Variants in SDHAF3 observed in about 807,000 individuals in gnomAD.
SDHAF3 encodes succinate dehydrogenase assembly factor 3, mitochondrial.
A neutral mutation model predicts 11.5 loss-of-function variants in SDHAF3; 18 were observed. That is an observed-to-expected ratio of 1.56 (90% CI 1.08 to 2.32). The LOEUF is 2.32. Among genes scored for constraint, SDHAF3 ranks in the 30% most tolerant of loss-of-function variants. The pLI is 0.00. For missense variants in SDHAF3, 200 were observed against 154.4 expected (o/e 1.30, Z -1.57); for synonymous variants, 72 against 59.3 (o/e 1.21, Z -0.99).
At chr7:97,146,560 C>G (rs1789138040) in intron 1 of SDHAF3, among the ~76,000 whole-genome samples, 1 of 152,060 alleles carries the variant, frequency 6.6e-6, no homozygotes, top group African/African-American at 2.4e-5. Flanking sequence ...TACAGTGTCA[C>G]TTTTTTTCTC....
At chr7:97,168,081 C>T (rs866866911) in intron 1 of SDHAF3, among the ~76,000 whole-genome samples, 8 of 152,218 alleles carry the variant, frequency 5.3e-5, no homozygotes, top group Middle Eastern at 6.8e-3. Flanking sequence ...GTGTGGGAGC[C>T]CTGGTATTCA....
chr7:97,181,510 C>A lies in SDHAF3; in HGVS notation c.*295C>A. On this transcript the variant is annotated 3_prime_UTR_variant, in exon 2 of 2. Coordinates refer to ENST00000432641, the MANE Select transcript of SDHAF3 (RefSeq NM_020186.3). ...TCATCCAGCCATATTAGTCTTCTGG[C>A]TTTTCTTTAGCTTCATCAAATAAGC... 4.6e-6 allele frequency: 1 copy of A among 217,452 alleles called. No homozygotes were observed. Among genetic ancestry groups the A allele is most frequent in the East Asian group, 1.1e-4 (1 of 9,370 alleles). The allele number at this position is 217,452 out of a possible 1,614,324, so 13.5% of individuals were successfully genotyped here.
intron 1 of SDHAF3, among the ~76,000 whole-genome samples, chr7:97,172,489 T>C (rs575186234): frequency 6.6e-6 from 1 of 152,330 alleles, no homozygotes; most frequent in South Asian, 2.1e-4. Context: ...AATCCAATTC[T>C]CTTCCAACAC....
intron 1 of SDHAF3, among the ~76,000 whole-genome samples, chr7:97,174,381 T>G (rs1020105372): frequency 3.9e-5 from 6 of 152,232 alleles, no homozygotes; most frequent in African/African-American, 1.4e-4. Context: ...ATAGCCTACA[T>G]AACTACAGTA....
At chr7:97,156,862 C>T (rs1030938056) in intron 1 of SDHAF3, among the ~76,000 whole-genome samples, 9 of 152,100 alleles carry the variant, frequency 5.9e-5, no homozygotes, top group African/African-American at 2.2e-4. Context: ...GGGGTACATG[C>T]GCACAACGTG....
At chr7:97,168,176 G>T (rs898899624) in intron 1 of SDHAF3, among the ~76,000 whole-genome samples, 1 of 152,148 alleles carries the variant, frequency 6.6e-6, no homozygotes, top group African/African-American at 2.4e-5. Flanking sequence ...GTGTTCACGT[G>T]CCTAATTTTT....
chr7:97,146,871 C>G lies in SDHAF3; in HGVS notation c.174+28974C>G, dbSNP rs951053167. Among the ~76,000 whole-genome samples the G allele has an allele frequency of 8.6e-5, 13 of 151,390 alleles. No individual in the cohort carries two copies. The East Asian group carries it at 2.5e-3, about 30-fold the overall frequency. On this transcript the variant is annotated intron_variant, in intron 1 of 1. Transcript: ENST00000432641. The stretch of plus-strand genomic sequence containing the variant: ...GCGCAATCTGGGCTCACTGCAAACT[C>G]CACCTCCCGGGTTGATGCCATTCTC...
At chr7:97,168,856 C>T (rs1789557283) in intron 1 of SDHAF3, among the ~76,000 whole-genome samples, 1 of 151,998 alleles carries the variant, frequency 6.6e-6, no homozygotes, top group Non-Finnish European at 1.5e-5. Context: ...TTCTTATATT[C>T]TCCTTTAGTG....
intron 1 of SDHAF3, among the ~76,000 whole-genome samples, chr7:97,125,228 A>G (rs536438504): frequency 1.8e-4 from 28 of 151,992 alleles, no homozygotes; most frequent in South Asian, 6.2e-4. Context: ...TCTCTCCTTC[A>G]GTTCTGGTCT....
chr7:97,123,991 C>A (rs1379439838), intron 1 of SDHAF3, among the ~76,000 whole-genome samples: 2 of 151,974 alleles, frequency 1.3e-5, no homozygotes, highest in East Asian at 3.8e-4. Context: ...AGCAGAAGCT[C>A]TTTAATTTAA....
At chr7:97,177,484 A>G (rs1789697411) in intron 1 of SDHAF3, among the ~76,000 whole-genome samples, 1 of 152,150 alleles carries the variant, frequency 6.6e-6, no homozygotes, top group Admixed American at 6.5e-5. Context: ...CTTGGGCAAC[A>G]GAGCGAGACT....
intron 1 of SDHAF3, among the ~76,000 whole-genome samples, chr7:97,170,470 T>G (rs1789588354): frequency 6.6e-6 from 1 of 152,182 alleles, no homozygotes; most frequent in South Asian, 2.1e-4. Flanking sequence ...TTGGGATGAA[T>G]TTCATAAACA....
At chr7:97,132,830 C>G (rs973398466) in intron 1 of SDHAF3, among the ~76,000 whole-genome samples, 4 of 152,130 alleles carry the variant, frequency 2.6e-5, no homozygotes, top group Non-Finnish European at 4.4e-5. Context: ...CTATGTGCCA[C>G]CTTGATTGTG....
chr7:97,133,771 A>G (rs1791705096), intron 1 of SDHAF3, among the ~76,000 whole-genome samples: 1 of 152,160 alleles, frequency 6.6e-6, no homozygotes, highest in Admixed American at 6.5e-5. Flanking sequence ...TTTACTCCTA[A>G]ATCAGTGTAA....
chr7:97,161,654 C>T (rs928581226), intron 1 of SDHAF3, among the ~76,000 whole-genome samples: 1 of 152,080 alleles, frequency 6.6e-6, no homozygotes, highest in African/African-American at 2.4e-5. Flanking sequence ...TCTCCTTGTT[C>T]ATCTCCCACT....
intron 1 of SDHAF3, among the ~76,000 whole-genome samples, chr7:97,177,808 C>T (rs1328698725): frequency 6.6e-6 from 1 of 152,134 alleles, no homozygotes; most frequent in Non-Finnish European, 1.5e-5. Flanking sequence ...TGAGATTTAT[C>T]TGCCCCATTT....
intron 1 of SDHAF3, among the ~76,000 whole-genome samples, chr7:97,150,598 C>G (rs1584222585): frequency 7.6e-6 from 1 of 132,402 alleles, no homozygotes. Context: ...GGGTCTCGCT[C>G]TGTCCCCCAG....
intron 1 of SDHAF3, among the ~76,000 whole-genome samples, chr7:97,163,023 C>CT (rs1789437483): frequency 1.3e-5 from 2 of 152,048 alleles, no homozygotes; most frequent in African/African-American, 4.8e-5. Flanking sequence ...GTGTGGGAGT[C>CT]TAAGTCTCTT....
At chr7:97,127,768 A>C (rs1454131872) in intron 1 of SDHAF3, among the ~76,000 whole-genome samples, 1 of 151,982 alleles carries the variant, frequency 6.6e-6, no homozygotes, top group Non-Finnish European at 1.5e-5. Context: ...TCAGGGATAC[A>C]TTTCCCAAGT....
Sources: gnomAD v4.1 joint callset for allele counts (sites outside exome capture counted in the v4.1 genomes callset) on GRCh38, gnomAD v4.1.1 for gene constraint, MANE v1.5 for transcripts, NCBI Gene and HGNC (gene_info 2026-07-23, HGNC 2026-07-21) for gene names.